The following CNTN6 variants were observed in gnomAD, a reference collection of about 807,000 sequenced individuals.
The protein encoded by CNTN6 is contactin 6, also known as contactin-6.
In CNTN6, 137 loss-of-function variants were observed where a neutral mutation model predicts 122.8. The observed-to-expected ratio is 1.12, with a 90% CI of 0.97 to 1.29. The LOEUF is 1.29. Ranked by LOEUF, CNTN6 falls within the 50% of genes most tolerant of loss-of-function variation. The probability of loss-of-function intolerance (pLI) is 0.00; values close to 1 mark genes in which losing one functional copy is unlikely to be tolerated. For synonymous variants in CNTN6, 570 were observed against 426.0 expected (o/e 1.34, Z -4.16); for missense variants, 1,634 against 1,223.4 (o/e 1.34, Z -5.01).
At chr3:1,125,823 T>C (rs1306920086) in intron 1 of CNTN6, among the ~76,000 whole-genome samples, 3 of 151,786 alleles carry the variant, frequency 2.0e-5, no homozygotes, top group Non-Finnish European at 2.9e-5. Context: ...CACAGACATA[T>C]TGAGATAGTA....
At chr3:1,311,005 C>G (rs967727270) in intron 7 of CNTN6, among the ~76,000 whole-genome samples, 8 of 151,720 alleles carry the variant, frequency 5.3e-5, no homozygotes, top group Non-Finnish European at 1.2e-4. Flanking sequence ...AACCAGAGTT[C>G]TAGAAGTGAA....
At chr3:1,149,846 C>T (rs78696225) in intron 2 of CNTN6, among the ~76,000 whole-genome samples, 3,072 of 152,178 alleles carry the variant, frequency 0.02, 109 homozygotes, top group African/African-American at 0.069. Flanking sequence ...ATTGAATTAG[C>T]ATAGGATCTC....
intron 4 of CNTN6, among the ~76,000 whole-genome samples, chr3:1,248,824 C>G (rs1575416227): frequency 6.6e-6 from 1 of 151,734 alleles, no homozygotes; most frequent in East Asian, 2.0e-4. Flanking sequence ...CCATTGCACT[C>G]CAGCCTGGAC....
At chr3:1,346,332 G>A (rs994500886) in intron 11 of CNTN6, among the ~76,000 whole-genome samples, 1 of 152,168 alleles carries the variant, frequency 6.6e-6, no homozygotes, top group East Asian at 1.9e-4. Flanking sequence ...CTTCCATGTG[G>A]CAGTTTTGGG....
At chr3:1,124,348 C>G (rs1232708393) in intron 1 of CNTN6, among the ~76,000 whole-genome samples, 2 of 151,954 alleles carry the variant, frequency 1.3e-5, no homozygotes, top group African/African-American at 4.8e-5. Flanking sequence ...GCCTGTCATT[C>G]TGTCTTTTCC....
intron 7 of CNTN6, among the ~76,000 whole-genome samples, chr3:1,305,949 T>C (rs1698290229): frequency 6.6e-6 from 1 of 152,226 alleles, no homozygotes; most frequent in Admixed American, 6.5e-5. Flanking sequence ...GTGTTTGCTT[T>C]TCGTCTTACT....
intron 2 of CNTN6, among the ~76,000 whole-genome samples, chr3:1,163,155 C>A (rs374652368): frequency 3.3e-5 from 5 of 152,148 alleles, no homozygotes; most frequent in African/African-American, 1.2e-4. Flanking sequence ...ATGAGGACAA[C>A]GCAGCTTGTT....
At chr3:1,235,966 T>C (rs116229770) in intron 4 of CNTN6, among the ~76,000 whole-genome samples, 9,379 of 152,050 alleles carry the variant, frequency 0.062, 331 homozygotes, top group Admixed American at 0.09. Flanking sequence ...CCTGGTGAAC[T>C]GTATGACTCA....
At chr3:1,157,474 C>T (rs988299083) in intron 2 of CNTN6, among the ~76,000 whole-genome samples, 2 of 152,132 alleles carry the variant, frequency 1.3e-5, no homozygotes, top group African/African-American at 4.8e-5. Flanking sequence ...GCCTTGGTCT[C>T]CCAAAGTGCT....
At chr3:1,291,323 A>T (rs1419909350) in intron 5 of CNTN6, among the ~76,000 whole-genome samples, 1 of 152,208 alleles carries the variant, frequency 6.6e-6, no homozygotes, top group Admixed American at 6.5e-5. Flanking sequence ...AGGACACACC[A>T]CATGTAGGAA....
At position 1,369,160 on chromosome 3, in the gene CNTN6, G is replaced by A. The variant is rs373885061; in HGVS notation, c.1493-3139G>A. On this transcript the variant is annotated intron_variant, in intron 12 of 22. Coordinates refer to ENST00000446702, the MANE Select transcript of CNTN6 (RefSeq NM_001289080.2). The stretch of plus-strand genomic sequence containing the variant: ...TCTCTCTACCTGCTACCTTTACCCA[G>A]CTCACTACTACTTGCCTTTTACTTC... 5.7e-4 allele frequency among the ~76,000 whole-genome samples: 86 copies of A among 152,190 alleles called. 2 individuals are homozygous for A. The South Asian group carries it at 0.017, about 30-fold the overall frequency.
rs377276494 is a variant in CNTN6 at position 1,220,819 on chromosome 3, A to G, written c.182+6A>G. 4 of 1,591,656 alleles carry G rather than the reference A, an allele frequency of 2.5e-6. No individual in the cohort carries two copies. Among genetic ancestry groups the G allele is most frequent in the Non-Finnish European group, 3.4e-6 (4 of 1,171,616 alleles). On this transcript the variant is annotated splice_donor_region_variant and intron_variant, in intron 3 of 22. Coordinates refer to ENST00000446702, the MANE Select transcript of CNTN6 (RefSeq NM_001289080.2). ...TACCCTTCGCCTCATTATAGGTAAA[A>G]TCCTACCTGTGGGCACCACACTATT...
At chr3:1,226,319 C>G (rs2094283219) in intron 3 of CNTN6, among the ~76,000 whole-genome samples, 1 of 152,116 alleles carries the variant, frequency 6.6e-6, no homozygotes, top group Non-Finnish European at 1.5e-5. Flanking sequence ...TGGAAACTGG[C>G]TATATTCCAT....
intron 14 of CNTN6, among the ~76,000 whole-genome samples, chr3:1,373,381 C>T (rs905610635): frequency 7.9e-5 from 12 of 152,116 alleles, no homozygotes; most frequent in African/African-American, 2.9e-4. Flanking sequence ...ATGCAATCAT[C>T]CTATGCCTGA....
At chr3:1,295,045 G>T (rs1695973249) in intron 5 of CNTN6, among the ~76,000 whole-genome samples, 1 of 152,118 alleles carries the variant, frequency 6.6e-6, no homozygotes, top group African/African-American at 2.4e-5. Flanking sequence ...TTGAGCTCAG[G>T]AGTTGGAGAC....
chr3:1,335,128 G>C (rs895685455), intron 11 of CNTN6, among the ~76,000 whole-genome samples: 2 of 152,132 alleles, frequency 1.3e-5, no homozygotes, highest in Non-Finnish European at 2.9e-5. Context: ...CTTCTAGCAA[G>C]TCCTTTAACT....
intron 2 of CNTN6, among the ~76,000 whole-genome samples, chr3:1,174,880 C>A (rs116627890): frequency 6.6e-6 from 1 of 152,242 alleles, no homozygotes; most frequent in South Asian, 2.1e-4. Context: ...TATATGCATG[C>A]GCCCACACAC....
intron 2 of CNTN6, among the ~76,000 whole-genome samples, chr3:1,149,018 TG>T (rs1337405876): frequency 1.1e-4 from 17 of 152,318 alleles, no homozygotes; most frequent in Admixed American, 9.8e-4. Flanking sequence ...TGAGTTATTT[TG>T]ACAATTATAA....
intron 4 of CNTN6, 40 bp from the exon 5 acceptor site, chr3:1,278,373 A>G: frequency 7.6e-7 from 1 of 1,314,386 alleles, no homozygotes; most frequent in Non-Finnish European, 1.1e-6. Flanking sequence ...TTATTCTGCA[A>G]AGTAACTAAT....
Sources: allele counts gnomAD v4.1 joint callset (sites outside exome capture counted in the v4.1 genomes callset), GRCh38; gene constraint gnomAD v4.1.1; transcripts MANE v1.5; gene names NCBI Gene and HGNC (gene_info 2026-07-23, HGNC 2026-07-21).